Variants in BAZ2B observed in about 807,000 individuals in gnomAD.
BAZ2B encodes the protein bromodomain adjacent to zinc finger domain 2B.
A neutral mutation model predicts 246.0 loss-of-function variants in BAZ2B; 91 were observed. The observed-to-expected ratio is 0.37, with a 90% CI of 0.31 to 0.44. BAZ2B has a LOEUF of 0.44. BAZ2B is among the 20% of genes least tolerant of loss of function. BAZ2B has a pLI of 1.00. For synonymous variants in BAZ2B, 855 were observed against 860.0 expected (o/e 0.99, Z 0.10); for missense variants, 2,332 against 2,533.7 (o/e 0.92, Z 1.71).
intron 31 of BAZ2B, 102 bp from the exon 32 acceptor site, chr2:159,337,874 A>G (rs2065924028): frequency 2.6e-6 from 3 of 1,134,072 alleles, no homozygotes; most frequent in Non-Finnish European, 3.7e-6. Flanking sequence ...GCAGATCTCA[A>G]GGATTGTTAC....
intron 23 of BAZ2B, among the ~76,000 whole-genome samples, chr2:159,384,451 A>G (rs1159842486): frequency 2.6e-5 from 4 of 152,090 alleles, no homozygotes; most frequent in South Asian, 2.1e-4. Flanking sequence ...CACTGGTAGA[A>G]ATGCATGACC....
the BAZ2B span, chr2:159,693,237 C>G: frequency 6.6e-6 from 1 of 151,834 alleles, no homozygotes; most frequent in South Asian, 2.1e-4. Context: ...ATGTTCAATG[C>G]TCAGCACCAG....
At chr2:159,676,976 ATATATATATATATAT>A in the BAZ2B span, among the ~76,000 whole-genome samples, 1 of 131,896 alleles carries the variant, frequency 7.6e-6, no homozygotes, top group Non-Finnish European at 1.7e-5. Flanking sequence ...ATATATATAT[ATATATATATATATAT>A]ATATTACAAT....
chr2:159,705,021 T>G, the BAZ2B span, among the ~76,000 whole-genome samples: 1 of 149,952 alleles, frequency 6.7e-6, no homozygotes, highest in East Asian at 2.0e-4. Flanking sequence ...TGGTTTGTTT[T>G]TTTTTTTTGG....
rs569919612 is a variant in BAZ2B at position 159,454,127 on chromosome 2, T to C, written c.146-326A>G. ...TTTTCTGTTAATATATATACATTAA[T>C]ATATTTTCAATATATTTTACTCATA... is the stretch of plus-strand genomic sequence containing the variant. On this transcript the variant is annotated intron_variant, in intron 3 of 36. Coordinates refer to ENST00000392783, the MANE Select transcript of BAZ2B (RefSeq NM_013450.4). 2.0e-5 allele frequency among the ~76,000 whole-genome samples: 3 copies of C among 152,268 alleles called. No individual in the cohort carries two copies. In the South Asian group the frequency reaches 6.2e-4, roughly 32 times the overall value.
intron 13 of BAZ2B, among the ~76,000 whole-genome samples, chr2:159,416,751 C>T (rs896296674): frequency 4.6e-5 from 7 of 152,242 alleles, no homozygotes; most frequent in African/African-American, 1.7e-4. Context: ...CATTTTTGCC[C>T]TTGGCATTTA....
At chr2:159,416,669 C>T (rs1489752057) in intron 13 of BAZ2B, among the ~76,000 whole-genome samples, 1 of 152,124 alleles carries the variant, frequency 6.6e-6, no homozygotes, top group Non-Finnish European at 1.5e-5. Flanking sequence ...GAAAATACAC[C>T]TGTGTCAAAA....
intron 4 of BAZ2B, among the ~76,000 whole-genome samples, chr2:159,453,049 G>A (rs2075294472): frequency 1.3e-5 from 2 of 152,194 alleles, no homozygotes; most frequent in Non-Finnish European, 1.5e-5. Flanking sequence ...GCAGTGAGCT[G>A]AGACTGCACC....
chr2:159,633,233 C>T, the BAZ2B span, among the ~76,000 whole-genome samples: 21 of 151,458 alleles, frequency 1.4e-4, no homozygotes, highest in East Asian at 3.9e-4. Context: ...TCTGTTGAGG[C>T]GGAGCAAAAC....
intron 14 of BAZ2B, among the ~76,000 whole-genome samples, chr2:159,407,478 C>G (rs2066141201): frequency 6.6e-6 from 1 of 152,012 alleles, no homozygotes; most frequent in Non-Finnish European, 1.5e-5. Flanking sequence ...CCAAAGAAAC[C>G]CCAGGACTTT....
chr2:159,428,085 A>T, intron 12 of BAZ2B, 43 bp from the exon 13 acceptor site: 1 of 1,559,360 alleles, frequency 6.4e-7, no homozygotes. Flanking sequence ...TTTAATAATT[A>T]CAACCCAGCT....
At chr2:159,532,358 A>G (rs2085464702) in intron 2 of BAZ2B, among the ~76,000 whole-genome samples, 1 of 152,196 alleles carries the variant, frequency 6.6e-6, no homozygotes, top group Non-Finnish European at 1.5e-5. Context: ...CGTACAAATG[A>G]AAATAAAGTC....
At chr2:159,562,664 T>C (rs780484331) in intron 1 of BAZ2B, among the ~76,000 whole-genome samples, 2 of 152,238 alleles carry the variant, frequency 1.3e-5, no homozygotes, top group Admixed American at 6.5e-5. Flanking sequence ...TTTAGTTATA[T>C]ATACTTTTAT....
At chr2:159,474,211 T>A (rs1455764198) in intron 3 of BAZ2B, among the ~76,000 whole-genome samples, 1 of 152,228 alleles carries the variant, frequency 6.6e-6, no homozygotes, top group Non-Finnish European at 1.5e-5. Context: ...TGCAGGTCTC[T>A]AAGAACTTTC....
the BAZ2B span, among the ~76,000 whole-genome samples, chr2:159,649,927 C>T: frequency 6.6e-6 from 1 of 152,152 alleles, no homozygotes; most frequent in Non-Finnish European, 1.5e-5. Flanking sequence ...TAATTCTTCT[C>T]TTTATGCCTT....
chr2:159,614,279 T>G (rs576943713), intron 1 of BAZ2B, among the ~76,000 whole-genome samples: 6 of 141,534 alleles, frequency 4.2e-5, no homozygotes, highest in African/African-American at 1.5e-4. Context: ...TTTGTTTATC[T>G]GTTCATAATG....
At chr2:159,358,349 A>C (rs1332004224) in intron 27 of BAZ2B, among the ~76,000 whole-genome samples, 1 of 151,714 alleles carries the variant, frequency 6.6e-6, no homozygotes, top group Non-Finnish European at 1.5e-5. Context: ...ACCAACAAAG[A>C]TCAAAAGAGA....
At chr2:159,558,319 C>T (rs988307353) in intron 1 of BAZ2B, among the ~76,000 whole-genome samples, 5 of 151,986 alleles carry the variant, frequency 3.3e-5, no homozygotes, top group African/African-American at 1.2e-4. Flanking sequence ...TGCAATGGCG[C>T]GATCTCAGCT....
intron 1 of BAZ2B, among the ~76,000 whole-genome samples, chr2:159,579,204 A>T (rs2151620215): frequency 7.5e-6 from 1 of 133,392 alleles, no homozygotes; most frequent in African/African-American, 3.0e-5. Flanking sequence ...AAAAGAGAGA[A>T]GAATCAAATA....
Sources: gnomAD v4.1 joint callset for allele counts (sites outside exome capture counted in the v4.1 genomes callset) on GRCh38, gnomAD v4.1.1 for gene constraint, MANE v1.5 for transcripts, NCBI Gene and HGNC (gene_info 2026-07-23, HGNC 2026-07-21) for gene names.